Variants in NLGN1 observed in about 807,000 individuals in gnomAD.
The protein encoded by NLGN1 is neuroligin-1.
NLGN1 carries 12 observed loss-of-function variants against 65.5 expected under a neutral mutation model. The ratio of observed to expected loss-of-function variants is 0.18; its 90% CI spans 0.12 to 0.30. NLGN1 has a LOEUF of 0.30. Ranked by LOEUF, NLGN1 falls within the 10% of genes least tolerant of loss-of-function variation. The pLI is 1.00. For missense variants in NLGN1, 750 were observed against 1,007.1 expected, an observed-to-expected ratio of 0.74 and a Z score of 3.46; for synonymous variants, 350 against 359.5, an observed-to-expected ratio of 0.97 and a Z score of 0.30.
chr3:174,021,358 A>T (rs1325153683), intron 4 of NLGN1, among the ~76,000 whole-genome samples: 1 of 152,148 alleles, frequency 6.6e-6, no homozygotes, highest in Non-Finnish European at 1.5e-5. Context: ...TTCTATTTAA[A>T]GAACTTTATT....
chr3:173,873,112 C>T (rs928354299), intron 4 of NLGN1, among the ~76,000 whole-genome samples: 4 of 150,156 alleles, frequency 2.7e-5, no homozygotes, highest in Non-Finnish European at 4.4e-5. Context: ...TTTTTGAGAC[C>T]GAATCTCACT....
chr3:173,977,109 A>G (rs201214909), intron 4 of NLGN1, among the ~76,000 whole-genome samples: 1 of 149,114 alleles, frequency 6.7e-6, no homozygotes, highest in African/African-American at 2.5e-5. Context: ...ACACACACGC[A>G]CACACACACA....
intron 3 of NLGN1, among the ~76,000 whole-genome samples, chr3:173,688,928 C>T (rs1030175303): frequency 1.1e-4 from 16 of 152,076 alleles, no homozygotes; most frequent in African/African-American, 3.1e-4. Context: ...TTGGGTTTTT[C>T]TGTTTTGGCA....
intron 2 of NLGN1, among the ~76,000 whole-genome samples, chr3:173,462,727 T>C (rs181646791): frequency 4.6e-5 from 7 of 152,328 alleles, no homozygotes; most frequent in Non-Finnish European, 8.8e-5. Flanking sequence ...TTTCAACTTA[T>C]TTTGCATGCA....
At chr3:173,806,620 T>C (rs1029828536) in intron 3 of NLGN1, among the ~76,000 whole-genome samples, 15 of 152,258 alleles carry the variant, frequency 9.9e-5, no homozygotes, top group Admixed American at 7.2e-4. Context: ...ATATAGTAGT[T>C]CAAATATTTC....
intron 4 of NLGN1, among the ~76,000 whole-genome samples, chr3:174,094,842 A>T (rs968765863): frequency 6.6e-6 from 1 of 151,554 alleles, no homozygotes; most frequent in African/African-American, 2.4e-5. Flanking sequence ...TTCTCATTTC[A>T]TCAGCCTTGG....
intron 2 of NLGN1, among the ~76,000 whole-genome samples, chr3:173,526,115 C>T (rs759428650): frequency 1.4e-4 from 22 of 152,064 alleles, no homozygotes; most frequent in East Asian, 1.9e-4. Context: ...CTATTAGATC[C>T]GTAGATATTT....
intron 1 of NLGN1, among the ~76,000 whole-genome samples, chr3:173,423,549 A>C (rs1715525253): frequency 6.6e-6 from 1 of 152,134 alleles, no homozygotes; most frequent in Non-Finnish European, 1.5e-5. Context: ...CCAAAAAAAA[A>C]GGGGACATAG....
intron 4 of NLGN1, among the ~76,000 whole-genome samples, chr3:173,871,568 G>C (rs780534438): frequency 6.6e-6 from 1 of 152,110 alleles, no homozygotes; most frequent in Non-Finnish European, 1.5e-5. Context: ...TAAAAATCAA[G>C]TTGAAGATAT....
intron 3 of NLGN1, among the ~76,000 whole-genome samples, chr3:173,764,370 A>G (rs1387139959): frequency 6.6e-6 from 1 of 152,150 alleles, no homozygotes. Flanking sequence ...GACTAACGCT[A>G]TGTTCAGAGG....
At chr3:173,561,438 C>T (rs569532481) in intron 2 of NLGN1, among the ~76,000 whole-genome samples, 1 of 152,236 alleles carries the variant, frequency 6.6e-6, no homozygotes, top group Admixed American at 6.5e-5. Flanking sequence ...AAATCCCATC[C>T]CGAAGCCTTA....
intron 4 of NLGN1, among the ~76,000 whole-genome samples, chr3:173,834,138 A>G (rs762753378): frequency 3.7e-4 from 56 of 152,226 alleles, no homozygotes; most frequent in Non-Finnish European, 6.3e-4. Flanking sequence ...ATCTATTTCT[A>G]ATTTTAAGTG....
chr3:173,980,708 C>T (rs1718597617), intron 4 of NLGN1, among the ~76,000 whole-genome samples: 1 of 151,994 alleles, frequency 6.6e-6, no homozygotes, highest in Non-Finnish European at 1.5e-5. Context: ...TCTTTGCCAG[C>T]ATCAGGTATA....
intron 3 of NLGN1, among the ~76,000 whole-genome samples, chr3:173,629,757 C>A (rs1755382656): frequency 6.6e-6 from 1 of 151,748 alleles, no homozygotes; most frequent in Non-Finnish European, 1.5e-5. Flanking sequence ...TTTAATATTG[C>A]TGTTATAAAT....
intron 2 of NLGN1, among the ~76,000 whole-genome samples, chr3:173,540,375 A>G (rs892075883): frequency 1.3e-5 from 2 of 152,172 alleles, no homozygotes; most frequent in African/African-American, 4.8e-5. Flanking sequence ...CACTCAGTAA[A>G]TGGGCCAGAG....
intron 2 of NLGN1, among the ~76,000 whole-genome samples, chr3:173,440,820 T>C (rs1195871350): frequency 3.3e-5 from 5 of 152,140 alleles, no homozygotes; most frequent in African/African-American, 1.2e-4. Flanking sequence ...AGTCTCTAGC[T>C]GCATTAGCCC....
chr3:173,831,132 T>A (rs753357809), intron 4 of NLGN1, among the ~76,000 whole-genome samples: 2 of 152,196 alleles, frequency 1.3e-5, no homozygotes, highest in Non-Finnish European at 2.9e-5. Flanking sequence ...TTCTATTTTA[T>A]GGCTGAATGG....
intron 4 of NLGN1, among the ~76,000 whole-genome samples, chr3:174,262,229 T>C (rs1171102848): frequency 9.6e-6 from 1 of 104,338 alleles, no homozygotes; most frequent in Non-Finnish European, 1.9e-5. Context: ...TCCCTCTTTT[T>C]CTATTGATTG....
At chr3:173,540,339 C>T (rs557350514) in intron 2 of NLGN1, among the ~76,000 whole-genome samples, 119 of 152,252 alleles carry the variant, frequency 7.8e-4, no homozygotes, top group Non-Finnish European at 1.4e-3. Flanking sequence ...TGCTGGGCCC[C>T]ACTCAAAACT....
Sources: gnomAD v4.1 joint callset for allele counts (sites outside exome capture counted in the v4.1 genomes callset) on GRCh38, gnomAD v4.1.1 for gene constraint, MANE v1.5 for transcripts, NCBI Gene and HGNC (gene_info 2026-07-23, HGNC 2026-07-21) for gene names.